Variants in EEIG2 observed in about 807,000 individuals in gnomAD.
EEIG2 encodes family with sequence similarity 102 member B.
chr1:108,571,445 G>A, the EEIG2 span, among the ~76,000 whole-genome samples: 1 of 152,180 alleles, frequency 6.6e-6, no homozygotes, highest in African/African-American at 2.4e-5. Context: ...GTTTCAGGTG[G>A]TTATCGTGGA....
At chr1:108,595,303 A>AAGGG in the EEIG2 span, among the ~76,000 whole-genome samples, 1 of 142,424 alleles carries the variant, frequency 7.0e-6, no homozygotes. Flanking sequence ...GAGAAGGAAG[A>AAGGG]AGGGAGGGAG....
chr1:108,590,326 C>T, the EEIG2 span, among the ~76,000 whole-genome samples: 2 of 151,960 alleles, frequency 1.3e-5, no homozygotes, highest in East Asian at 3.8e-4. Flanking sequence ...TCTTTTTTCT[C>T]AAGAGTCTGT....
At chr1:108,638,705 A>G in the EEIG2 span, 29 of 152,288 alleles carry the variant, frequency 1.9e-4, no homozygotes, top group African/African-American at 7.0e-4. Context: ...CTTAGGTACT[A>G]CGCATAATGT....
chr1:108,630,788 C>T, the EEIG2 span, among the ~76,000 whole-genome samples: 1 of 152,166 alleles, frequency 6.6e-6, no homozygotes, highest in Non-Finnish European at 1.5e-5. Flanking sequence ...TAATTCCATT[C>T]CATGTCGTAT....
the EEIG2 span, among the ~76,000 whole-genome samples, chr1:108,566,613 G>A: frequency 2.6e-5 from 4 of 151,918 alleles, no homozygotes; most frequent in Non-Finnish European, 5.9e-5. Context: ...CAATAGCCAA[G>A]TTATTGAAAC....
the EEIG2 span, among the ~76,000 whole-genome samples, chr1:108,602,447 C>T: frequency 1.3e-4 from 20 of 152,184 alleles, no homozygotes; most frequent in East Asian, 1.9e-4. Context: ...ATTCCATTCA[C>T]GTGATTGTTT....
the EEIG2 span, chr1:108,628,350 AGT>A: frequency 6.2e-7 from 1 of 1,611,232 alleles, no homozygotes; most frequent in East Asian, 2.2e-5. Flanking sequence ...CAGATTGCAG[AGT>A]GTTTGATATG....
the EEIG2 span, among the ~76,000 whole-genome samples, chr1:108,598,594 A>G: frequency 3.6e-3 from 541 of 152,182 alleles, no homozygotes; most frequent in Non-Finnish European, 5.2e-3. Flanking sequence ...GAACCCACAC[A>G]TACATTCTTC....
chr1:108,567,766 A>G, the EEIG2 span, among the ~76,000 whole-genome samples: 1 of 152,260 alleles, frequency 6.6e-6, no homozygotes, highest in South Asian at 2.1e-4. Context: ...GGAAGACTGA[A>G]GCAGGAGGGT....
chr1:108,622,452 T>C, the EEIG2 span, among the ~76,000 whole-genome samples: 1 of 152,000 alleles, frequency 6.6e-6, no homozygotes, highest in South Asian at 2.1e-4. Context: ...ATAGGAAAAA[T>C]ACTAAATGAG....
chr1:108,613,945 T>C, the EEIG2 span, among the ~76,000 whole-genome samples: 1 of 152,098 alleles, frequency 6.6e-6, no homozygotes, highest in Non-Finnish European at 1.5e-5. Context: ...GGTCACACTC[T>C]AGAGTCTAGA....
At chr1:108,622,989 C>T in the EEIG2 span, among the ~76,000 whole-genome samples, 2 of 151,990 alleles carry the variant, frequency 1.3e-5, no homozygotes, top group East Asian at 1.9e-4. Context: ...AATCCCAGCA[C>T]TTCAGGAGGT....
the EEIG2 span, among the ~76,000 whole-genome samples, chr1:108,579,847 G>C: frequency 6.7e-6 from 1 of 148,296 alleles, no homozygotes; most frequent in Admixed American, 6.8e-5. Flanking sequence ...ATGCATTCTT[G>C]GTTCACTGCA....
the EEIG2 span, among the ~76,000 whole-genome samples, chr1:108,567,055 G>T: frequency 6.6e-6 from 1 of 152,022 alleles, no homozygotes; most frequent in Admixed American, 6.5e-5. Flanking sequence ...AATTGGCTTG[G>T]TTTAGCAATT....
chr1:108,639,260 T>C, the EEIG2 span: 38 of 152,120 alleles, frequency 2.5e-4, no homozygotes, highest in Non-Finnish European at 5.0e-4. Flanking sequence ...AAAAACTTTT[T>C]ATTTGTAAAA....
At chr1:108,638,669 TTG>T in the EEIG2 span, 2 of 60,588 alleles carry the variant, frequency 3.3e-5, no homozygotes, top group African/African-American at 1.3e-4. Context: ...GTAGTTGAAA[TTG>T]TGTTATGCCA....
At chr1:108,594,052 C>G in the EEIG2 span, among the ~76,000 whole-genome samples, 2 of 152,130 alleles carry the variant, frequency 1.3e-5, no homozygotes, top group African/African-American at 4.8e-5. Flanking sequence ...AAGCAATCCG[C>G]TTGCCTTGGT....
chr1:108,582,656 A>G, the EEIG2 span, among the ~76,000 whole-genome samples: 1 of 11,034 alleles, frequency 9.1e-5, no homozygotes, highest in Middle Eastern at 0.17. Context: ...TAGAAGACTT[A>G]ACAGAATTTT....
the EEIG2 span, chr1:108,616,276 A>G: frequency 1.3e-6 from 1 of 781,802 alleles, no homozygotes; most frequent in Non-Finnish European, 2.2e-6. Flanking sequence ...CCAATTCAAC[A>G]ATCATTTTAT....
Sources: allele counts gnomAD v4.1 joint callset (sites outside exome capture counted in the v4.1 genomes callset), GRCh38; gene constraint gnomAD v4.1.1; transcripts MANE v1.5; gene names NCBI Gene and HGNC (gene_info 2026-07-23, HGNC 2026-07-21).